The following NIPA2 variants were observed in gnomAD, a reference collection of about 807,000 sequenced individuals.
NIPA2 encodes the protein NIPA magnesium transporter 2.
NIPA2 carries 11 observed loss-of-function variants against 29.7 expected under a neutral mutation model. The ratio of observed to expected loss-of-function variants is 0.37; its 90% confidence interval spans 0.23 to 0.61. NIPA2 has a LOEUF of 0.61. Among genes scored for constraint, NIPA2 ranks in the 20% least tolerant of loss-of-function variants. The probability of loss-of-function intolerance (pLI) is 0.66; values close to 1 mark genes in which losing one functional copy is unlikely to be tolerated. For synonymous variants in NIPA2, 183 were observed against 161.9 expected (o/e 1.13, Z -0.99); for missense variants, 426 against 437.9 (o/e 0.97, Z 0.24).
At chr15:22,850,030 A>G (rs563687932) in intron 3 of NIPA2, among the ~76,000 whole-genome samples, 17 of 152,244 alleles carry the variant, frequency 1.1e-4, no homozygotes, top group South Asian at 6.2e-4. Flanking sequence ...TAGTAATACA[A>G]TGAGTCCCTG....
intron 6 of NIPA2, among the ~76,000 whole-genome samples, chr15:22,859,269 GT>G (rs1647233592): frequency 1.3e-5 from 2 of 151,570 alleles, no homozygotes; most frequent in South Asian, 4.2e-4. Flanking sequence ...GGTCTGGTTG[GT>G]AATGAGTAGA....
intron 3 of NIPA2, among the ~76,000 whole-genome samples, chr15:22,846,578 C>T (rs753246199): frequency 4.6e-5 from 7 of 151,872 alleles, no homozygotes; most frequent in East Asian, 3.9e-4. Context: ...TTTGGGAGGC[C>T]GAGGCAGGCA....
chr15:22,862,454 G>A (rs1041557392), intron 7 of NIPA2, among the ~76,000 whole-genome samples: 10 of 152,190 alleles, frequency 6.6e-5, no homozygotes, highest in African/African-American at 2.2e-4. Flanking sequence ...TGCAGTTCCT[G>A]ACCTAGATCA....
chr15:22,849,126 G>A (rs907805146), intron 3 of NIPA2, among the ~76,000 whole-genome samples: 5 of 152,148 alleles, frequency 3.3e-5, no homozygotes, highest in Admixed American at 2.6e-4. Flanking sequence ...CTCCTACCTT[G>A]TCTTTAAATG....
intron 4 of NIPA2, 67 bp downstream of exon 4, chr15:22,851,937 C>G: frequency 7.5e-7 from 1 of 1,332,492 alleles, no homozygotes; most frequent in Non-Finnish European, 1.1e-6. Context: ...GTTCTTTGTA[C>G]AAGACCACAT....
chr15:22,841,694 A>G (rs1897134736), intron 2 of NIPA2, among the ~76,000 whole-genome samples: 1 of 152,034 alleles, frequency 6.6e-6, no homozygotes, highest in Non-Finnish European at 1.5e-5. Context: ...TTTTTAGTAG[A>G]GTCGGGGTTT....
intron 3 of NIPA2, among the ~76,000 whole-genome samples, chr15:22,848,567 G>A (rs2057457054): frequency 1.3e-5 from 2 of 152,000 alleles, no homozygotes; most frequent in Admixed American, 1.3e-4. Context: ...GCTCATGGCT[G>A]TAATCCTAGC....
chr15:22,866,737 T>C lies in NIPA2; in HGVS notation c.973T>C (p.Ser325Pro). ...CGAGAAAGCAATGAATGGCAATCTC[T>C]CTAATATGTATGAAGTTCTTAATAA... Reference protein sequence around the residue: ...KDEKAMNGNLSNMYEVLNNNE... With the variant: ...KDEKAMNGNLPNMYEVLNNNE... Residue 325 changes from serine to proline, a missense_variant, in exon 8 of 8, where the codon TCT becomes CCT. By Grantham distance (74) the Ser-to-Pro change is moderately conservative. Around this residue, in one of 3 missense-constraint regions of NIPA2, gnomAD observed 357 missense variants for 339.8 expected, o/e 1.05. Coordinates refer to ENST00000337451, the MANE Select transcript of NIPA2 (RefSeq NM_030922.7). 1 of 1,614,022 alleles carries C rather than the reference T, an allele frequency of 6.2e-7. No homozygotes were observed. The highest frequency in any genetic ancestry group is 1.7e-5 in the Admixed American group (1 of 60,024).
chr15:22,850,788 G>A (rs930403018), intron 3 of NIPA2, among the ~76,000 whole-genome samples: 5 of 152,164 alleles, frequency 3.3e-5, no homozygotes, highest in Non-Finnish European at 7.4e-5. Context: ...TTAGGGTCCT[G>A]ACTGAATTGC....
intron 5 of NIPA2, among the ~76,000 whole-genome samples, chr15:22,855,259 AC>A (rs1162193982): frequency 6.5e-4 from 95 of 147,114 alleles, no homozygotes; most frequent in African/African-American, 2.3e-3. Flanking sequence ...AAAAAAAAAA[AC>A]AAAAGAATTA....
chr15:22,846,818 A>AAATAATAATAATAAT (rs1555380233), intron 3 of NIPA2, among the ~76,000 whole-genome samples: 1 of 135,854 alleles, frequency 7.4e-6, no homozygotes, highest in African/African-American at 2.7e-5. Flanking sequence ...CCTGTCTCCA[A>AAATAATAATAATAAT]AATAATAATA....
chr15:22,842,135 C>T lies in NIPA2; in HGVS notation c.-216+2345C>T, dbSNP rs929701633. ...TCGCCCTACCTCTAGCAGGAGATAA[C>T]CCCATGTGGGCTGTTGTACCCCTGC... On this transcript the variant is annotated intron_variant, in intron 2 of 7. Transcript: ENST00000337451. Among the ~76,000 whole-genome samples, 3 of 152,164 alleles carry T rather than the reference C, an allele frequency of 2.0e-5. No homozygotes were observed. The East Asian group carries it at 5.8e-4, about 29-fold the overall frequency.
In NIPA2 at chr15:22,866,363, G is replaced by A. The variant is rs1479424413; in HGVS notation, c.599G>A (p.Gly200Asp). Residue 200 changes from glycine (G) to aspartate (D), a missense_variant, in exon 8 of 8, where the codon GGC becomes GAC. This residue lies in a region of NIPA2 where 357 missense variants were observed against 339.8 expected (regional missense o/e 1.05). Transcript: ENST00000337451. ...AFSVSCVKGL[G>D]IAIKELFAGK... ...TCAGTCTCCTGTGTGAAGGGCCTGG[G>A]CATTGCTATCAAGGAGCTGTTTGCA... 1.9e-6 allele frequency: 3 copies of A among 1,613,938 alleles called. No individual in the cohort carries two copies. The highest frequency in any genetic ancestry group is 4.5e-5 in the East Asian group (2 of 44,894).
At chr15:22,855,697 G>A (rs2058127310) in intron 5 of NIPA2, among the ~76,000 whole-genome samples, 1 of 152,116 alleles carries the variant, frequency 6.6e-6, no homozygotes, top group East Asian at 1.9e-4. Context: ...GGATAGATAG[G>A]TTTATTAGGA....
intron 2 of NIPA2, 71 bp from the exon 3 acceptor site, chr15:22,845,075 T>G (rs1898229990): frequency 1.3e-5 from 2 of 152,172 alleles, no homozygotes; most frequent in African/African-American, 2.4e-5. Context: ...AAAATTTTAC[T>G]GTTTATCTGT....
chr15:22,865,628 G>A (rs766488926), intron 7 of NIPA2, among the ~76,000 whole-genome samples: 3 of 152,128 alleles, frequency 2.0e-5, no homozygotes, highest in Admixed American at 6.6e-5. Context: ...AGTTGAGTGC[G>A]AATTGCTGAG....
intron 5 of NIPA2, among the ~76,000 whole-genome samples, chr15:22,856,454 C>T (rs2058185971): frequency 6.6e-6 from 1 of 150,458 alleles, no homozygotes. Flanking sequence ...TAGAGAGTAT[C>T]CTGGATAAAA....
chr15:22,847,654 G>C (rs533855023), intron 3 of NIPA2, among the ~76,000 whole-genome samples: 1 of 151,974 alleles, frequency 6.6e-6, no homozygotes, highest in Non-Finnish European at 1.5e-5. Context: ...AGTAGAGATG[G>C]GGTTTCACCA....
Position 22,866,800 on chromosome 15 carries a change from A to C in NIPA2, c.1036A>C (p.Thr346Pro). 1 of 1,607,712 alleles carries C rather than the reference A, an allele frequency of 6.2e-7. No individual in the cohort carries two copies. The highest frequency in any genetic ancestry group is 8.5e-7 in the Non-Finnish European group (1 of 1,176,270). Residue 346 changes from threonine (T) to proline (P), a missense_variant, in exon 8 of 8, where the codon ACT (threonine) becomes CCT (proline). By Grantham distance (38) the Thr-to-Pro change is conservative. Coordinates refer to ENST00000337451, the MANE Select transcript of NIPA2 (RefSeq NM_030922.7). ...CTTAACCTGTGGAATCGAACAACAC[A>C]CTGGTGAAAATGTCTCCCGAAGAAA... ...ESLTCGIEQH[T>P]GENVSRRNGN...
Sources: gnomAD v4.1 joint callset for allele counts (sites outside exome capture counted in the v4.1 genomes callset) on GRCh38, gnomAD v4.1.1 for gene constraint, gnomAD v4.1.1 regional missense constraint, MANE v1.5 for transcripts, NCBI Gene and HGNC (gene_info 2026-07-23, HGNC 2026-07-21) for gene names.